Variants in BNIP3L observed in about 807,000 individuals in gnomAD.
The protein encoded by BNIP3L is BCL2/adenovirus E1B 19 kDa protein-interacting protein 3-like.
A neutral mutation model predicts 25.5 loss-of-function variants in BNIP3L; 10 were observed. That is an observed-to-expected ratio of 0.39 (90% CI 0.24 to 0.67). BNIP3L has a LOEUF of 0.67. Among genes scored for constraint, BNIP3L ranks in the 30% least tolerant of loss-of-function variants. BNIP3L has a pLI of 0.45. For missense variants in BNIP3L, 215 were observed against 270.9 expected, an observed-to-expected ratio of 0.79 and a Z score of 1.45; for synonymous variants, 113 against 101.2, an observed-to-expected ratio of 1.12 and a Z score of -0.70.
At position 26,391,239 on chromosome 8, in the gene BNIP3L, A is replaced by G. The variant is rs373242672; in HGVS notation, c.101-4A>G. The G allele has an allele frequency of 1.3e-6, 2 of 1,582,342 alleles. No individual in the cohort carries two copies. The highest frequency in any genetic ancestry group is 1.4e-5 in the African/African-American group (1 of 73,834). ...GTGGTTAACTTATCTGACTTGTCCA[A>G]CAGGTTCCTGGGTGGAGCTACCCAT... is the stretch of plus-strand genomic sequence containing the variant. On this transcript the variant is annotated splice_region_variant and splice_polypyrimidine_tract_variant and intron_variant, in intron 1 of 5. Coordinates refer to ENST00000380629, the MANE Select transcript of BNIP3L (RefSeq NM_004331.3).
chr8:26,391,579 G>A (rs1050158536), intron 2 of BNIP3L, among the ~76,000 whole-genome samples, 153 bp downstream of exon 2: 1 of 152,148 alleles, frequency 6.6e-6, no homozygotes, highest in African/African-American at 2.4e-5. Context: ...GATATATATT[G>A]TGTTTATATG....
At chr8:26,400,019 C>G (rs1206494184) in intron 3 of BNIP3L, among the ~76,000 whole-genome samples, 1 of 151,382 alleles carries the variant, frequency 6.6e-6, no homozygotes. Flanking sequence ...AGTGCCATCC[C>G]CATCAAGCTA....
At chr8:26,410,156 A>G (rs946864204) in intron 5 of BNIP3L, among the ~76,000 whole-genome samples, 5 of 152,190 alleles carry the variant, frequency 3.3e-5, no homozygotes, top group African/African-American at 1.2e-4. Context: ...TTTAATGAGT[A>G]AACAAACTCA....
At chr8:26,403,782 C>A (rs551861033) in intron 3 of BNIP3L, among the ~76,000 whole-genome samples, 2 of 152,094 alleles carry the variant, frequency 1.3e-5, no homozygotes, top group Non-Finnish European at 2.9e-5. Context: ...TCAAATGATC[C>A]TCCCATGTCG....
At chr8:26,392,328 A>C (rs1343865427) in intron 2 of BNIP3L, among the ~76,000 whole-genome samples, 1 of 152,152 alleles carries the variant, frequency 6.6e-6, no homozygotes, top group Admixed American at 6.5e-5. Flanking sequence ...AATGCACGGG[A>C]AGCAGATTAA....
chr8:26,390,048 A>C (rs936100944), intron 1 of BNIP3L, among the ~76,000 whole-genome samples: 1 of 152,218 alleles, frequency 6.6e-6, no homozygotes, highest in Non-Finnish European at 1.5e-5. Flanking sequence ...ATTATGAACA[A>C]AATATACCAC....
chr8:26,384,196 A>G (rs887393156), intron 1 of BNIP3L, among the ~76,000 whole-genome samples: 5 of 152,178 alleles, frequency 3.3e-5, no homozygotes, highest in African/African-American at 9.7e-5. Context: ...CTCTTGGGAA[A>G]GAGGTAATGG....
At chr8:26,404,054 A>T (rs1383265186) in intron 3 of BNIP3L, among the ~76,000 whole-genome samples, 1 of 152,226 alleles carries the variant, frequency 6.6e-6, no homozygotes, top group African/African-American at 2.4e-5. Context: ...CAAAGCCATG[A>T]GAATGAACTG....
At chr8:26,398,480 A>G (rs1262611486) in intron 3 of BNIP3L, among the ~76,000 whole-genome samples, 1 of 113,622 alleles carries the variant, frequency 8.8e-6, no homozygotes, top group African/African-American at 3.5e-5. Flanking sequence ...AGCAGTGTGT[A>G]GAGGGAAATT....
intron 3 of BNIP3L, among the ~76,000 whole-genome samples, chr8:26,406,385 A>T (rs1046395023): frequency 7.2e-5 from 11 of 152,216 alleles, no homozygotes; most frequent in Non-Finnish European, 1.3e-4. Flanking sequence ...TCTATACAGT[A>T]TTCCTGGGTT....
In BNIP3L at chr8:26,408,298, G is replaced by T. The variant is rs771290000; in HGVS notation, c.533G>T (p.Gly178Val). The part of the protein sequence containing the change: ...SMRKSGAMKK[G>V]GIFSAEFLKV... ...AGGAAAAGTGGAGCCATGAAGAAAG[G>T]GGGTATTTTCTCCGCAGAATTTCTG... is the stretch of plus-strand genomic sequence containing the variant. Residue 178 changes from glycine to valine, a missense_variant, in exon 5 of 6, where the codon GGG becomes GTG. This residue lies in a region of BNIP3L where 63 missense variants were observed against 98.8 expected (regional missense o/e 0.64). Coordinates refer to ENST00000380629, the MANE Select transcript of BNIP3L (RefSeq NM_004331.3). The T allele has an allele frequency of 1.2e-6, 2 of 1,614,020 alleles. No homozygotes were observed. Among genetic ancestry groups the T allele is most frequent in the Admixed American group, 1.7e-5 (1 of 60,018 alleles).
rs780632495 is a variant in BNIP3L, at chr8:26,410,492, A to G, written c.*80A>G. On this transcript the variant is annotated 3_prime_UTR_variant, in exon 6 of 6. Coordinates refer to ENST00000380629, the MANE Select transcript of BNIP3L (RefSeq NM_004331.3). ...CAGTAGCTTATTTGAACTTGAGACC[A>G]TTGTAAGCATGACCCAACCTACCAC... 3.3e-6 allele frequency: 5 copies of G among 1,535,524 alleles called. No homozygotes were observed. Among genetic ancestry groups the G allele is most frequent in the Non-Finnish European group, 4.5e-6 (5 of 1,109,936 alleles).
At chr8:26,408,407 C>A in intron 5 of BNIP3L, 31 bp downstream of exon 5, 1 of 1,579,470 alleles carries the variant, frequency 6.3e-7, no homozygotes, top group Non-Finnish European at 8.6e-7. Flanking sequence ...GAAGTTTTTT[C>A]CATTCATTTT....
At chr8:26,410,239 C>A in intron 5 of BNIP3L, 125 bp from the exon 6 acceptor site, 1 of 990,596 alleles carries the variant, frequency 1.0e-6, no homozygotes, top group Non-Finnish European at 1.5e-6. Context: ...GTTTGGGGAG[C>A]GGTACCCACA....
intron 3 of BNIP3L, among the ~76,000 whole-genome samples, chr8:26,400,262 T>A (rs1174438884): frequency 7.9e-5 from 12 of 151,216 alleles, no homozygotes; most frequent in East Asian, 5.8e-4. Flanking sequence ...ATAACGCCGC[T>A]TACCTACAAC....
At chr8:26,410,296 C>A in intron 5 of BNIP3L, 68 bp from the exon 6 acceptor site, 1 of 1,578,020 alleles carries the variant, frequency 6.3e-7, no homozygotes, top group South Asian at 1.1e-5. Context: ...AAGTAGAGTT[C>A]AACCTGTGGA....
chr8:26,385,801 AT>A (rs1002167565), intron 1 of BNIP3L, among the ~76,000 whole-genome samples: 7 of 152,230 alleles, frequency 4.6e-5, no homozygotes, highest in African/African-American at 1.7e-4. Flanking sequence ...GATAGAAAGT[AT>A]TTTGTGTGGG....
In BNIP3L at chr8:26,410,823, A is replaced by G. The variant is rs939896523; in HGVS notation, c.*411A>G. The G allele has an allele frequency of 1.3e-5, 2 of 156,524 alleles. No individual in the cohort carries two copies. Among genetic ancestry groups the G allele is most frequent in the Admixed American group, 1.3e-4 (2 of 15,636 alleles). 9.7% of individuals were successfully genotyped at this position (156,524 alleles called of 1,614,324 possible). ...CTCTCTCTTAAAACGAGATCAGGTT[A>G]GCAAATGATGTAAAAGAAGCTTTAT... On this transcript the variant is annotated 3_prime_UTR_variant, in exon 6 of 6. Coordinates refer to ENST00000380629, the MANE Select transcript of BNIP3L (RefSeq NM_004331.3).
chr8:26,385,714 T>G (rs1355694518), intron 1 of BNIP3L, among the ~76,000 whole-genome samples: 1 of 152,162 alleles, frequency 6.6e-6, no homozygotes, highest in Non-Finnish European at 1.5e-5. Context: ...CCTGCTTGGC[T>G]GACATCAGCT....
Sources: gnomAD v4.1 joint callset for allele counts (sites outside exome capture counted in the v4.1 genomes callset) on GRCh38, gnomAD v4.1.1 for gene constraint, gnomAD v4.1.1 regional missense constraint, MANE v1.5 for transcripts, NCBI Gene and HGNC (gene_info 2026-07-23, HGNC 2026-07-21) for gene names.